Variants in SHQ1 observed in about 807,000 individuals in gnomAD.
SHQ1 encodes the protein SHQ1, H/ACA ribonucleoprotein assembly factor, also known as protein SHQ1 homolog.
A neutral mutation model predicts 53.8 loss-of-function variants in SHQ1; 49 were observed. The observed-to-expected ratio is 0.91, with a 90% CI of 0.72 to 1.16. The LOEUF (loss-of-function observed/expected upper bound fraction) is 1.16. Among genes scored for constraint, SHQ1 ranks in the 50% most tolerant of loss-of-function variants. The pLI, the probability that SHQ1 is intolerant of heterozygous loss-of-function variation, is 0.00. For missense variants in SHQ1, 738 were observed against 683.1 expected (o/e 1.08, Z -0.90); for synonymous variants, 243 against 251.0 (o/e 0.97, Z 0.30).
At chr3:72,842,917 A>T (rs1263886508) in intron 2 of SHQ1, among the ~76,000 whole-genome samples, 1 of 152,140 alleles carries the variant, frequency 6.6e-6, no homozygotes, top group Non-Finnish European at 1.5e-5. Flanking sequence ...CTACTAAAAA[A>T]TACAAAAATT....
At chr3:72,764,068 T>C (rs1416211133) in intron 10 of SHQ1, among the ~76,000 whole-genome samples, 1 of 151,990 alleles carries the variant, frequency 6.6e-6, no homozygotes, top group African/African-American at 2.4e-5. Context: ...AAGTTTTCTT[T>C]GCGTAATAAC....
chr3:72,754,266 AG>A (rs1195461537), intron 10 of SHQ1, among the ~76,000 whole-genome samples: 1 of 152,108 alleles, frequency 6.6e-6, no homozygotes, highest in Non-Finnish European at 1.5e-5. Context: ...TCAGCCAACA[AG>A]GGGCGGTCAC....
intron 5 of SHQ1, among the ~76,000 whole-genome samples, chr3:72,825,361 TAC>T (rs61048915): frequency 0.18 from 24,939 of 141,440 alleles, 2,136 homozygotes; most frequent in Non-Finnish European, 0.2. Flanking sequence ...TAAAAGGGGC[TAC>T]ACACACACAC....
In SHQ1 at chr3:72,848,062, G is replaced by A. The variant is rs116714242; in HGVS notation, c.143+136C>T. 8.0e-4 allele frequency: 845 copies of A among 1,062,238 alleles called. 5 individuals carry two copies. In the African/African-American group the frequency reaches 0.011, roughly 14 times the overall value. The allele number at this position is 1,062,238 out of a possible 1,614,324, so 65.8% of individuals were successfully genotyped here. On this transcript the variant is annotated intron_variant, in intron 1 of 10. Transcript: ENST00000325599. ...ACCCCTGGAAGAGGGCAGTTCCCTGGCACCAAGAGAAGCTGCGGAAACGTC... is the reference window on the plus strand; with the variant it reads ...ACCCCTGGAAGAGGGCAGTTCCCTGACACCAAGAGAAGCTGCGGAAACGTC...
At chr3:72,845,690 A>G (rs947715069) in intron 1 of SHQ1, among the ~76,000 whole-genome samples, 4 of 152,172 alleles carry the variant, frequency 2.6e-5, no homozygotes, top group Non-Finnish European at 5.9e-5. Context: ...GGCCCACTCC[A>G]TATCATTCCA....
At chr3:72,769,324 C>T (rs1273550102) in intron 10 of SHQ1, among the ~76,000 whole-genome samples, 1 of 152,172 alleles carries the variant, frequency 6.6e-6, no homozygotes, top group Non-Finnish European at 1.5e-5. Flanking sequence ...GTGTTGACAA[C>T]CAATTTAAAG....
At chr3:72,732,271 A>G in the SHQ1 span, among the ~76,000 whole-genome samples, 1 of 150,774 alleles carries the variant, frequency 6.6e-6, no homozygotes, top group Non-Finnish European at 1.5e-5. Context: ...CAGTGCCGGC[A>G]TTGTTTGAGA....
intron 9 of SHQ1, among the ~76,000 whole-genome samples, chr3:72,799,135 C>T (rs1706712793): frequency 6.6e-6 from 1 of 151,030 alleles, no homozygotes; most frequent in African/African-American, 2.4e-5. Flanking sequence ...CCGGGCAACA[C>T]AGTGGGACTC....
Position 72,799,053 on chromosome 3 carries a change from G to T in SHQ1, c.1061-6017C>A, listed in dbSNP as rs55692034. Among the ~76,000 whole-genome samples the T allele has an allele frequency of 5.6e-3, 857 of 152,028 alleles. 5 individuals are homozygous for T. The highest frequency in any genetic ancestry group is 0.019 in the African/African-American group (797 of 41,452). ...ATAAGTAAAGGGACCAGGCCTGGTGGCTCACACCTATAATCCCAACACTAT... is the reference window on the plus strand; with the variant it reads ...ATAAGTAAAGGGACCAGGCCTGGTGTCTCACACCTATAATCCCAACACTAT... On this transcript the variant is annotated intron_variant, in intron 9 of 10. Coordinates refer to ENST00000325599, the MANE Select transcript of SHQ1 (RefSeq NM_018130.3).
At chr3:72,780,639 T>C (rs1706051371) in intron 10 of SHQ1, among the ~76,000 whole-genome samples, 1 of 152,178 alleles carries the variant, frequency 6.6e-6, no homozygotes. Flanking sequence ...AAGAACATCT[T>C]TGGGGGTGTA....
chr3:72,784,136 TA>T (rs76106891), intron 10 of SHQ1, among the ~76,000 whole-genome samples: 30,259 of 116,852 alleles, frequency 0.26, 3,307 homozygotes, highest in Non-Finnish European at 0.3. Flanking sequence ...AAAGTCTACC[TA>T]AAAAAAAAAA....
chr3:72,790,398 C>A (rs113208598), intron 10 of SHQ1, among the ~76,000 whole-genome samples: 1 of 152,132 alleles, frequency 6.6e-6, no homozygotes, highest in Admixed American at 6.5e-5. Flanking sequence ...TTAGCAATTA[C>A]CTGGTATTTC....
At chr3:72,785,715 GT>G (rs1244944256) in intron 10 of SHQ1, among the ~76,000 whole-genome samples, 1 of 152,144 alleles carries the variant, frequency 6.6e-6, no homozygotes, top group Admixed American at 6.5e-5. Context: ...TTGCATACAT[GT>G]TCTCCTTGTC....
intron 5 of SHQ1, 152 bp from the exon 6 acceptor site, chr3:72,824,703 G>A (rs891105136): frequency 1.8e-5 from 17 of 930,726 alleles, no homozygotes; most frequent in Non-Finnish European, 2.4e-5. Context: ...TACTTTCTTT[G>A]TAGTTACTAA....
At position 72,792,959 on chromosome 3, in the gene SHQ1, C is replaced by A. The variant is rs761610326; in HGVS notation, c.1138G>T (p.Asp380Tyr). The A allele has an allele frequency of 1.2e-6, 2 of 1,611,856 alleles. No homozygotes were observed. The highest frequency in any genetic ancestry group is 1.7e-6 in the Non-Finnish European group (2 of 1,179,620). ...ACACAGTAGTCTGAGATGTAGAGAT[C>A]ATTCAGTATGTACGCTGGGTCATTT... ...QENDPAYILN[D>Y]LYISDYCVWI... The change falls in exon 10 of 11, where the codon GAT becomes TAT. Residue 380 changes from aspartate to tyrosine, a missense_variant. Coordinates refer to ENST00000325599, the MANE Select transcript of SHQ1 (RefSeq NM_018130.3).
intron 4 of SHQ1, 143 bp from the exon 5 acceptor site, chr3:72,832,624 A>C (rs965807588): frequency 8.2e-6 from 5 of 608,662 alleles, no homozygotes; most frequent in Non-Finnish European, 1.2e-5. Flanking sequence ...TTAGATTCAA[A>C]TCCAACAAAT....
In SHQ1 at chr3:72,750,638, T is replaced by G. The variant is rs1705346330; in HGVS notation, c.1380A>C (p.Ser460=). The G allele has an allele frequency of 7.4e-6, 12 of 1,614,108 alleles. No homozygotes were observed. The highest frequency in any genetic ancestry group is 1.0e-5 in the Non-Finnish European group (12 of 1,179,966). ...CGTTTCCAGATGACACGCTGCTGTC[T>G]GAGTCCTCCGAATCACTTGCCTCAG... is the stretch of plus-strand genomic sequence containing the variant. ...SSSEASDSED[S]DSSVSSGNED... Residue 460 remains serine, a synonymous_variant, in exon 11 of 11, where the codon TCA becomes TCC. Coordinates refer to ENST00000325599, the MANE Select transcript of SHQ1 (RefSeq NM_018130.3).
downstream of SHQ1, among the ~76,000 whole-genome samples, chr3:72,748,090 A>G (rs1483299553): frequency 6.6e-6 from 1 of 151,908 alleles, no homozygotes; most frequent in Non-Finnish European, 1.5e-5. Context: ...CTCATAATTC[A>G]TAAGGCATGG....
intron 10 of SHQ1, among the ~76,000 whole-genome samples, chr3:72,764,238 A>G (rs1705669666): frequency 6.6e-6 from 1 of 152,138 alleles, no homozygotes; most frequent in Non-Finnish European, 1.5e-5. Flanking sequence ...GGTGGAGTGC[A>G]GTGGCGCAAT....
Sources: gnomAD v4.1 joint callset for allele counts (sites outside exome capture counted in the v4.1 genomes callset) on GRCh38, gnomAD v4.1.1 for gene constraint, MANE v1.5 for transcripts, NCBI Gene and HGNC (gene_info 2026-07-23, HGNC 2026-07-21) for gene names.